TMEM178B: variants seen among roughly 807,000 people sequenced by gnomAD.
TMEM178B encodes the protein transmembrane protein 178B.
In TMEM178B, 5 loss-of-function variants were observed where a neutral mutation model predicts 31.0. That is an observed-to-expected ratio of 0.16 (90% CI 0.08 to 0.34). TMEM178B has a LOEUF of 0.34. Ranked by LOEUF, TMEM178B falls within the 10% of genes least tolerant of loss-of-function variation. The pLI, the probability that TMEM178B is intolerant of heterozygous loss-of-function variation, is 1.00. For synonymous variants in TMEM178B, 164 were observed against 164.0 expected (o/e 1.00, Z 0.00); for missense variants, 275 against 400.3 (o/e 0.69, Z 2.67).
intron 2 of TMEM178B, among the ~76,000 whole-genome samples, chr7:141,367,010 G>A (rs918795190): frequency 1.4e-5 from 2 of 147,706 alleles, no homozygotes; most frequent in Admixed American, 7.1e-5. Context: ...TTGATGGACA[G>A]CTGCTTATTT....
At chr7:141,350,513 C>T (rs1319637785) in intron 2 of TMEM178B, among the ~76,000 whole-genome samples, 2 of 152,000 alleles carry the variant, frequency 1.3e-5, no homozygotes, top group Admixed American at 6.6e-5. Context: ...AAATGAAGTG[C>T]TATAAAAGAG....
chr7:141,353,052 C>T (rs1006436896), intron 2 of TMEM178B, among the ~76,000 whole-genome samples: 4 of 151,912 alleles, frequency 2.6e-5, no homozygotes, highest in Non-Finnish European at 4.4e-5. Context: ...CACAAAGTCC[C>T]GTGGATTTTG....
intron 2 of TMEM178B, among the ~76,000 whole-genome samples, chr7:141,402,988 A>C (rs530143404): frequency 6.6e-6 from 1 of 152,384 alleles, no homozygotes; most frequent in Non-Finnish European, 1.5e-5. Flanking sequence ...AGCAGGCCCC[A>C]AACAGGAAAT....
chr7:141,359,626 C>G (rs767608588), intron 2 of TMEM178B, among the ~76,000 whole-genome samples: 1 of 152,134 alleles, frequency 6.6e-6, no homozygotes, highest in Non-Finnish European at 1.5e-5. Flanking sequence ...TCTTGGAGTT[C>G]TTGTGAATAG....
chr7:141,365,077 G>C (rs1799981600), intron 2 of TMEM178B, among the ~76,000 whole-genome samples: 1 of 152,218 alleles, frequency 6.6e-6, no homozygotes, highest in Non-Finnish European at 1.5e-5. Context: ...GACTTGGGGG[G>C]CCTGTAGGCC....
rs995343321 is a variant in TMEM178B, at chr7:141,422,788, A to G, written c.497-14820A>G. Reference sequence around the variant, plus strand: ...CCCATGGGGAGAGAATAGAAATGCAAGAAACTGTCACTCACCAACCTTCTG... The same window carrying G: ...CCCATGGGGAGAGAATAGAAATGCAGGAAACTGTCACTCACCAACCTTCTG... On this transcript the variant is annotated intron_variant, in intron 2 of 3. Transcript: ENST00000565468. The surrounding 1 kb of genome is among the most constrained non-coding windows in gnomAD (Gnocchi z 4.2). Among the ~76,000 whole-genome samples the G allele has an allele frequency of 6.6e-6, 1 of 152,140 alleles. No individual in the cohort carries two copies. The highest frequency in any genetic ancestry group is 2.4e-5 in the African/African-American group (1 of 41,410).
rs576355991 is a variant in TMEM178B at position 141,393,211 on chromosome 7, C to A, written c.497-44397C>A. Among the ~76,000 whole-genome samples the A allele has an allele frequency of 7.2e-5, 11 of 152,256 alleles. No individual in the cohort carries two copies. The South Asian group carries it at 1.5e-3, about 20-fold the overall frequency. On this transcript the variant is annotated intron_variant, in intron 2 of 3. Transcript: ENST00000565468. ...GGAGGGGTGTTTTTCTTCTCCAGGG[C>A]AGCTCTGTCTTTAGCTTACTGTGAA... is the stretch of plus-strand genomic sequence containing the variant.
chr7:141,215,337 A>ATTATTATTATTTTT (rs55726735), intron 2 of TMEM178B, among the ~76,000 whole-genome samples: 128 of 141,536 alleles, frequency 9.0e-4, no homozygotes, highest in Admixed American at 1.7e-3. Context: ...TATTATTATT[A>ATTATTATTATTTTT]TTTTTTGAGA....
chr7:141,187,745 G>T (rs1796633423), intron 1 of TMEM178B, among the ~76,000 whole-genome samples: 1 of 152,140 alleles, frequency 6.6e-6, no homozygotes, highest in African/African-American at 2.4e-5. Flanking sequence ...GTCTTCTTTT[G>T]AGAAGTGTAT....
At chr7:141,114,683 C>G (rs768401142) in intron 1 of TMEM178B, among the ~76,000 whole-genome samples, 1 of 152,226 alleles carries the variant, frequency 6.6e-6, no homozygotes, top group Non-Finnish European at 1.5e-5. Context: ...GCTTTCTCCC[C>G]CTCCTGGGCT....
chr7:141,426,505 A>G (rs1801318330), intron 2 of TMEM178B, among the ~76,000 whole-genome samples: 1 of 152,178 alleles, frequency 6.6e-6, no homozygotes, highest in African/African-American at 2.4e-5. Context: ...GGAACTCTGC[A>G]AGGATGATGA....
At chr7:141,188,694 A>G (rs1434617721) in intron 1 of TMEM178B, among the ~76,000 whole-genome samples, 1 of 152,234 alleles carries the variant, frequency 6.6e-6, no homozygotes, top group East Asian at 1.9e-4. Flanking sequence ...TGCAAACAAC[A>G]TCCATTAAGA....
the TMEM178B span, among the ~76,000 whole-genome samples, chr7:141,491,540 G>A: frequency 6.6e-6 from 1 of 152,138 alleles, no homozygotes; most frequent in Non-Finnish European, 1.5e-5. Context: ...TACTTGACCT[G>A]AAATTGGGCA....
chr7:141,276,125 T>A (rs1482428845), intron 2 of TMEM178B, among the ~76,000 whole-genome samples: 1 of 151,896 alleles, frequency 6.6e-6, no homozygotes, highest in African/African-American at 2.4e-5. Context: ...GAAAATGCAG[T>A]GGGTTGGGGC....
intron 3 of TMEM178B, among the ~76,000 whole-genome samples, chr7:141,454,764 G>T (rs1350946408): frequency 6.6e-6 from 1 of 152,148 alleles, no homozygotes. Context: ...AATGGAACAA[G>T]CCACAGTTGC....
intron 2 of TMEM178B, among the ~76,000 whole-genome samples, chr7:141,272,157 A>G (rs545733815): frequency 6.6e-6 from 1 of 152,296 alleles, no homozygotes; most frequent in East Asian, 1.9e-4. Context: ...GCCTCTGCTT[A>G]CCAGTTGAGT....
intron 2 of TMEM178B, among the ~76,000 whole-genome samples, chr7:141,250,984 G>A (rs559555075): frequency 2.0e-5 from 3 of 152,082 alleles, no homozygotes; most frequent in South Asian, 4.2e-4. Flanking sequence ...TCCTTTCCTC[G>A]GCTTTTCCTT....
chr7:141,075,138 C>T (rs1436970241), intron 1 of TMEM178B, among the ~76,000 whole-genome samples: 2 of 152,056 alleles, frequency 1.3e-5, no homozygotes, highest in Admixed American at 1.3e-4. Flanking sequence ...TTATTCATAC[C>T]AGAAACGTTT....
intron 2 of TMEM178B, among the ~76,000 whole-genome samples, chr7:141,313,002 C>G (rs939880374): frequency 6.6e-6 from 1 of 152,208 alleles, no homozygotes; most frequent in African/African-American, 2.4e-5. Flanking sequence ...GCCTAGCTGT[C>G]TGGGAATGCA....
Sources: gnomAD v4.1 joint callset for allele counts (sites outside exome capture counted in the v4.1 genomes callset) on GRCh38, gnomAD v4.1.1 for gene constraint, Gnocchi (gnomAD v3.1) non-coding constraint, MANE v1.5 for transcripts, NCBI Gene and HGNC (gene_info 2026-07-23, HGNC 2026-07-21) for gene names.